NEK4: variants seen among roughly 807,000 people sequenced by gnomAD.
The protein encoded by NEK4 is NIMA related kinase 4.
A neutral mutation model predicts 98.4 loss-of-function variants in NEK4; 86 were observed. That is an observed-to-expected ratio of 0.87 (90% CI 0.73 to 1.05). The LOEUF is 1.05. NEK4 is among the 50% of genes least tolerant of loss of function. The probability of loss-of-function intolerance (pLI) is 0.00; values close to 1 mark genes in which losing one functional copy is unlikely to be tolerated. For missense variants in NEK4, 898 were observed against 950.3 expected (o/e 0.94, Z 0.72); for synonymous variants, 328 against 342.2 (o/e 0.96, Z 0.46).
intron 4 of NEK4, among the ~76,000 whole-genome samples, chr3:52,765,180 G>A (rs952419646): frequency 4.6e-5 from 7 of 151,868 alleles, no homozygotes; most frequent in South Asian, 2.1e-4. Context: ...GTGAAACCCC[G>A]TCTGTACTAA....
At chr3:52,719,938 C>T (rs1383470208) in intron 15 of NEK4, among the ~76,000 whole-genome samples, 1 of 151,954 alleles carries the variant, frequency 6.6e-6, no homozygotes, top group Non-Finnish European at 1.5e-5. Flanking sequence ...TGAAGGGCAC[C>T]ATTAACTGCA....
At position 52,763,633 on chromosome 3, in the gene NEK4, A is replaced by G. The variant is rs763087736; in HGVS notation, c.667-9T>C. The G allele has an allele frequency of 3.2e-6, 5 of 1,574,516 alleles. No individual in the cohort carries two copies. The highest frequency in any genetic ancestry group is 4.3e-6 in the Non-Finnish European group (5 of 1,159,236). On this transcript the variant is annotated splice_polypyrimidine_tract_variant and intron_variant, in intron 4 of 15. Coordinates refer to ENST00000233027, the MANE Select transcript of NEK4 (RefSeq NM_003157.6). ...CTTGGCATTGGTGGCAGCTACAAAT[A>G]AAAATAATATTGTAATTATGACTAA...
At chr3:52,717,982 C>T (rs1170876174) in intron 15 of NEK4, among the ~76,000 whole-genome samples, 2 of 151,780 alleles carry the variant, frequency 1.3e-5, no homozygotes, top group South Asian at 2.1e-4. Context: ...TTAGTAGAGA[C>T]GGGGTTTCAT....
rs71087017 is a variant in NEK4 at position 52,752,933 on chromosome 3, T to TAC, written c.964-599_964-598dup. On this transcript the variant is annotated intron_variant, in intron 6 of 15. Coordinates refer to ENST00000233027, the MANE Select transcript of NEK4 (RefSeq NM_003157.6). ...AAAAAAAAAAATATATATATATATA[T>TAC]ACACACACACACACACACACAATGG... Among the ~76,000 whole-genome samples, 160 of 75,568 alleles carry TAC rather than the reference T, an allele frequency of 2.1e-3. 5 individuals carry two copies. Among genetic ancestry groups the TAC allele is most frequent in the East Asian group, 3.7e-3 (11 of 2,972 alleles). The allele number at this position is 75,568 out of a possible 152,430, so 49.6% of individuals were successfully genotyped here. A position where few individuals can be genotyped will look rare whatever the true frequency, so the allele number is the denominator to read the frequency against.
chr3:52,762,178 G>C (rs1324109699), intron 5 of NEK4, among the ~76,000 whole-genome samples: 1 of 152,218 alleles, frequency 6.6e-6, no homozygotes, highest in South Asian at 2.1e-4. Flanking sequence ...CACCTGTTTA[G>C]TAAAGGTAGG....
At chr3:52,729,744 CAA>C (rs563723629) in intron 15 of NEK4, among the ~76,000 whole-genome samples, 17 of 93,370 alleles carry the variant, frequency 1.8e-4, no homozygotes, top group Non-Finnish European at 2.4e-4. Flanking sequence ...CTTGACTAGC[CAA>C]AAAAAAAAAA....
intron 7 of NEK4, among the ~76,000 whole-genome samples, chr3:52,751,496 C>T (rs985622268): frequency 1.3e-5 from 2 of 150,678 alleles, no homozygotes; most frequent in African/African-American, 4.9e-5. Context: ...TGGCGCATGC[C>T]TGTAATCCCA....
At chr3:52,754,923 A>C (rs1457894299) in intron 6 of NEK4, among the ~76,000 whole-genome samples, 1 of 151,986 alleles carries the variant, frequency 6.6e-6, no homozygotes, top group Non-Finnish European at 1.5e-5. Context: ...AATGCAAAAA[A>C]ATTAGCCGGG....
intron 4 of NEK4, among the ~76,000 whole-genome samples, chr3:52,764,197 G>A (rs1698463846): frequency 6.6e-6 from 1 of 150,694 alleles, no homozygotes; most frequent in Non-Finnish European, 1.5e-5. Context: ...TGAGGCAGGG[G>A]AATTGCTTGA....
chr3:52,727,065 C>T (rs373154737), intron 15 of NEK4, among the ~76,000 whole-genome samples: 1 of 151,332 alleles, frequency 6.6e-6, no homozygotes, highest in East Asian at 1.9e-4. Context: ...ACCTCTGCCT[C>T]CCGGGTTCAA....
chr3:52,746,758 T>C lies in NEK4; in HGVS notation c.1653A>G (p.Arg551=). ...REQTEHRGEK[R]QVRRDLFAFQ... ...CAGCAAAGAGATCTCTGCGGACCTG[T>C]CTCTTTTCCCCTCTGTGCTCAGTCT... Residue 551 remains arginine, a synonymous_variant, in exon 9 of 16, where the codon AGA becomes AGG. Transcript: ENST00000233027. 6.2e-7 allele frequency: 1 copy of C among 1,613,720 alleles called. No homozygotes were observed. The highest frequency in any genetic ancestry group is 8.5e-7 in the Non-Finnish European group (1 of 1,179,834).
At chr3:52,743,596 T>G in intron 11 of NEK4, 135 bp from the exon 12 acceptor site, 3 of 649,198 alleles carry the variant, frequency 4.6e-6, no homozygotes, top group Non-Finnish European at 5.4e-6. Flanking sequence ...ATCATTTCTC[T>G]GGTGTCTGAC....
At chr3:52,756,954 C>T (rs528278210) in intron 6 of NEK4, among the ~76,000 whole-genome samples, 6 of 152,248 alleles carry the variant, frequency 3.9e-5, no homozygotes, top group African/African-American at 1.4e-4. Context: ...TGAATAGACG[C>T]TCCTCCCAAA....
intron 15 of NEK4, among the ~76,000 whole-genome samples, chr3:52,720,914 T>C (rs2097359526): frequency 6.6e-6 from 1 of 152,216 alleles, no homozygotes; most frequent in Non-Finnish European, 1.5e-5. Flanking sequence ...TATGAAACAA[T>C]ACTATAGAAG....
intron 7 of NEK4, among the ~76,000 whole-genome samples, chr3:52,751,041 T>C (rs2097404065): frequency 6.6e-6 from 1 of 152,154 alleles, no homozygotes. Context: ...CCAGGCCCAG[T>C]GGCTTATGTC....
At chr3:52,764,704 T>C (rs927067877) in intron 4 of NEK4, among the ~76,000 whole-genome samples, 1 of 151,880 alleles carries the variant, frequency 6.6e-6, no homozygotes, top group African/African-American at 2.4e-5. Flanking sequence ...AAACAAGTTA[T>C]GTACCATGTG....
At chr3:52,745,017 G>A (rs946900861) in intron 10 of NEK4, among the ~76,000 whole-genome samples, 1 of 151,680 alleles carries the variant, frequency 6.6e-6, no homozygotes, top group African/African-American at 2.4e-5. Flanking sequence ...CCAGGTACAC[G>A]CCATTCTCCT....
At chr3:52,755,073 CAAAAAAAAAAAAAAG>C (rs1302419120) in intron 6 of NEK4, among the ~76,000 whole-genome samples, 9 of 47,024 alleles carry the variant, frequency 1.9e-4, no homozygotes, top group Non-Finnish European at 4.3e-4. Context: ...GACTCCGTCT[CAAAAAAAAAAAAAAG>C]AAAAAAGAAA....
intron 15 of NEK4, among the ~76,000 whole-genome samples, chr3:52,715,862 AAGAGG>A: frequency 6.6e-6 from 1 of 152,352 alleles, no homozygotes; most frequent in East Asian, 1.9e-4. Flanking sequence ...GTTGCATGTG[AAGAGG>A]AGAGAAGAGC....
Sources: allele counts gnomAD v4.1 joint callset (sites outside exome capture counted in the v4.1 genomes callset), GRCh38; gene constraint gnomAD v4.1.1; transcripts MANE v1.5; gene names NCBI Gene and HGNC (gene_info 2026-07-23, HGNC 2026-07-21).